Variants in NUTM2A observed in about 807,000 individuals in gnomAD.
NUTM2A encodes the protein family with sequence similarity 22, member A.
NUTM2A carries 3 observed loss-of-function variants against 24.4 expected under a neutral mutation model. The ratio of observed to expected loss-of-function variants is 0.12; its 90% CI spans 0.06 to 0.32. The LOEUF (loss-of-function observed/expected upper bound fraction) is 0.32. Ranked by LOEUF, NUTM2A falls within the 10% of genes least tolerant of loss-of-function variation. NUTM2A has a pLI of 1.00. For synonymous variants in NUTM2A, 11 were observed against 278.4 expected, an observed-to-expected ratio of 0.04 and a Z score of 9.56; for missense variants, 39 against 631.1, an observed-to-expected ratio of 0.06 and a Z score of 10.05.
intron 5 of NUTM2A, among the ~76,000 whole-genome samples, chr10:87,233,216 T>C (rs1849390778): frequency 1.1e-5 from 1 of 88,610 alleles, no homozygotes; most frequent in South Asian, 3.9e-4. Context: ...AGTGTGTACG[T>C]TACCTGTGTC....
chr10:87,229,462 C>T (rs1373466788), intron 2 of NUTM2A, among the ~76,000 whole-genome samples: 121 of 152,284 alleles, frequency 7.9e-4, no homozygotes, highest in African/African-American at 2.8e-3. Context: ...TGGTCTTGGG[C>T]CCTGCACTGG....
In NUTM2A at chr10:87,228,789, A is replaced by AT. The variant is rs1197555986; in HGVS notation, c.909_910insT (p.Gly304TrpfsTer19). On this transcript the variant is annotated frameshift_variant, in exon 2 of 7. Transcript: ENST00000381707. LOFTEE classifies it high-confidence loss of function. ...AAGGGAATGCTGGGCCATGGCCACA[A>AT]GGGGCTCACGGAGAGGGCAGCCTGG... The AT allele has an allele frequency of 7.7e-7, 1 of 1,299,168 alleles. No homozygotes were observed. The highest frequency in any genetic ancestry group is 1.6e-5 in the African/African-American group (1 of 63,980). 80.5% of individuals were successfully genotyped at this position (1,299,168 alleles called of 1,614,324 possible).
intron 2 of NUTM2A, among the ~76,000 whole-genome samples, chr10:87,229,553 G>A (rs1430962110): frequency 6.6e-6 from 1 of 152,352 alleles, no homozygotes; most frequent in East Asian, 1.9e-4. Context: ...TTCAGAGGAT[G>A]GTGAAGAGAT....
Position 87,233,095 on chromosome 10 carries a change from G to A in NUTM2A, c.1734+110G>A, listed in dbSNP as rs1384399041. 17 of 990,182 alleles carry A rather than the reference G, an allele frequency of 1.7e-5. 2 individuals carry two copies. The East Asian group carries it at 3.8e-4, about 22-fold the overall frequency. 61.3% of individuals were successfully genotyped at this position (990,182 alleles called of 1,614,324 possible). On this transcript the variant is annotated intron_variant, in intron 5 of 6. Coordinates refer to ENST00000381707, the MANE Select transcript of NUTM2A (RefSeq NM_001099338.2). ...TACTCAGCAGTGTGTGTATTTCCATGGATTTGAGTATCTGTGTATGTGATT... is the reference window on the plus strand; with the variant it reads ...TACTCAGCAGTGTGTGTATTTCCATAGATTTGAGTATCTGTGTATGTGATT...
rs4081201 is a variant in NUTM2A, at chr10:87,226,221, G to A, written c.382+9G>A. ...GATGGCTTCAAATGGAGGTAAGCCT[G>A]TAGGGATGGGGGCATTATCTGAGTC... On this transcript the variant is annotated intron_variant, in intron 1 of 6. Coordinates refer to ENST00000381707, the MANE Select transcript of NUTM2A (RefSeq NM_001099338.2). The A allele has an allele frequency of 1.4e-5, 1 of 72,978 alleles. No individual in the cohort carries two copies. The highest frequency in any genetic ancestry group is 1.0e-3 in the South Asian group (1 of 972). 4.5% of individuals were successfully genotyped at this position (72,978 alleles called of 1,614,324 possible).
At chr10:87,229,351 G>GC (rs1424779990) in intron 2 of NUTM2A, among the ~76,000 whole-genome samples, 1 of 152,230 alleles carries the variant, frequency 6.6e-6, no homozygotes, top group Non-Finnish European at 1.5e-5. Context: ...CTCACATGGG[G>GC]CCGGGGGGAG....
At chr10:87,229,590 A>G (rs1387827522) in intron 2 of NUTM2A, among the ~76,000 whole-genome samples, 1 of 152,228 alleles carries the variant, frequency 6.6e-6, no homozygotes, top group African/African-American at 2.4e-5. Flanking sequence ...TGACATGCAT[A>G]GCACAGTGCC....
At chr10:87,229,739 C>T (rs1390005627) in intron 2 of NUTM2A, among the ~76,000 whole-genome samples, 2 of 151,192 alleles carry the variant, frequency 1.3e-5, no homozygotes, top group Non-Finnish European at 3.0e-5. Context: ...ACCATGAGTC[C>T]AGCAGCCCAG....
At chr10:87,229,508 C>T (rs1849359312) in intron 2 of NUTM2A, among the ~76,000 whole-genome samples, 1 of 152,230 alleles carries the variant, frequency 6.6e-6, no homozygotes, top group Non-Finnish European at 1.5e-5. Context: ...TCTTCACCCT[C>T]AATCCCTCCT....
intron 2 of NUTM2A, among the ~76,000 whole-genome samples, chr10:87,229,286 T>G (rs554319925): frequency 6.6e-6 from 1 of 152,204 alleles, no homozygotes; most frequent in Non-Finnish European, 1.5e-5. Flanking sequence ...GTTTAGGTCT[T>G]TGAGTACACG....
intron 2 of NUTM2A, among the ~76,000 whole-genome samples, chr10:87,229,202 A>T (rs1337906345): frequency 6.6e-6 from 1 of 152,188 alleles, no homozygotes; most frequent in African/African-American, 2.4e-5. Flanking sequence ...CTTACTTTCA[A>T]TAATTTTCAC....
rs376674431 is a variant in NUTM2A, at chr10:87,229,027, C to T, written c.1082+65C>T. On this transcript the variant is annotated intron_variant, in intron 2 of 6. Transcript: ENST00000381707. ...ACACGTAAAGAGGCTGCTGGATGGACGGGAGGTCACGCTGTTCAGGGGAGC... is the reference window on the plus strand; with the variant it reads ...ACACGTAAAGAGGCTGCTGGATGGATGGGAGGTCACGCTGTTCAGGGGAGC... 1,726 of 632,304 alleles carry T rather than the reference C, an allele frequency of 2.7e-3. 2 individuals carry two copies. In the South Asian group the frequency reaches 0.032, roughly 12 times the overall value. 39.2% of individuals were successfully genotyped at this position (632,304 alleles called of 1,614,324 possible).
In NUTM2A at chr10:87,228,769, A is replaced by G; in HGVS notation, c.889A>G (p.Asn297Asp). ...GCTGCCCCCCATTGTGTCCCAAGGG[A>G]ATGCTGGGCCATGGCCACAAGGGGC... Reference protein sequence around the residue: ...AQLPPIVSQGNAGPWPQGAHG... With the variant: ...AQLPPIVSQGDAGPWPQGAHG... Residue 297 changes from asparagine to aspartate, a missense_variant, in exon 2 of 7, where the codon AAT becomes GAT. Asn to Asp is a conservative substitution (Grantham distance 23). Coordinates refer to ENST00000381707, the MANE Select transcript of NUTM2A (RefSeq NM_001099338.2). 8.1e-7 allele frequency: 1 copy of G among 1,232,756 alleles called. No homozygotes were observed. The highest frequency in any genetic ancestry group is 1.1e-6 in the Non-Finnish European group (1 of 875,010). The allele number at this position is 1,232,756 out of a possible 1,614,324, so 76.4% of individuals were successfully genotyped here.
chr10:87,229,135 A>C (rs1849352661), intron 2 of NUTM2A, among the ~76,000 whole-genome samples, 173 bp downstream of exon 2: 1 of 152,204 alleles, frequency 6.6e-6, no homozygotes. Context: ...GGCTCAGGAC[A>C]GACTGTCAGG....
chr10:87,232,903 A>AG lies in NUTM2A; in HGVS notation c.1654dup (p.Glu552GlyfsTer16). The AG allele has an allele frequency of 1.4e-6, 2 of 1,404,678 alleles. 1 individual carries two copies. The highest frequency in any genetic ancestry group is 2.0e-6 in the Non-Finnish European group (2 of 992,802). The allele number at this position is 1,404,678 out of a possible 1,614,324, so 87.0% of individuals were successfully genotyped here. A position where few individuals can be genotyped will look rare whatever the true frequency, so the allele number is the denominator to read the frequency against. On this transcript the variant is annotated frameshift_variant, in exon 5 of 7. Coordinates refer to ENST00000381707, the MANE Select transcript of NUTM2A (RefSeq NM_001099338.2). LOFTEE classifies it high-confidence loss of function. ...GAAGAGGGCGAAGTGAAGCAGCCAC[A>AG]GGAAGAGGACTGGACGCCCCCAGAC...
intron 2 of NUTM2A, among the ~76,000 whole-genome samples, chr10:87,229,176 G>C (rs371230728): frequency 2.6e-5 from 4 of 152,156 alleles, no homozygotes; most frequent in African/African-American, 9.7e-5. Flanking sequence ...TCACTGTCCC[G>C]TGAGTCCAGC....
intron 2 of NUTM2A, among the ~76,000 whole-genome samples, chr10:87,229,542 AT>A: frequency 6.6e-6 from 1 of 152,236 alleles, no homozygotes. Flanking sequence ...ATGATGCTTC[AT>A]TCAGAGGATG....
At chr10:87,229,461 G>A (rs1287977189) in intron 2 of NUTM2A, among the ~76,000 whole-genome samples, 2 of 152,234 alleles carry the variant, frequency 1.3e-5, no homozygotes, top group African/African-American at 4.8e-5. Flanking sequence ...ATGGTCTTGG[G>A]CCCTGCACTG....
chr10:87,229,041 G>T (rs571543377), intron 2 of NUTM2A, 79 bp downstream of exon 2: 5 of 838,062 alleles, frequency 6.0e-6, no homozygotes, highest in Non-Finnish European at 9.9e-6. Flanking sequence ...AGGTCACGCT[G>T]TTCAGGGGAG....
Sources: allele counts gnomAD v4.1 joint callset (sites outside exome capture counted in the v4.1 genomes callset), GRCh38; gene constraint gnomAD v4.1.1; transcripts MANE v1.5; gene names NCBI Gene and HGNC (gene_info 2026-07-23, HGNC 2026-07-21).